DISP3: variants seen among roughly 807,000 people sequenced by gnomAD.
DISP3 encodes the protein dispatched RND transporter family member 3, also known as protein dispatched homolog 3.
In DISP3, 101 loss-of-function variants were observed where a neutral mutation model predicts 135.3. The observed-to-expected ratio is 0.75, with a 90% CI of 0.64 to 0.88. The LOEUF (loss-of-function observed/expected upper bound fraction) is 0.88, where lower values mean the gene tolerates loss of function less well. Ranked by LOEUF, DISP3 falls within the 40% of genes least tolerant of loss-of-function variation. The pLI, the probability that DISP3 is intolerant of heterozygous loss-of-function variation, is 0.00. For missense variants in DISP3, 1,713 were observed against 1,878.6 expected (o/e 0.91, Z 1.63); for synonymous variants, 856 against 817.0 (o/e 1.05, Z -0.81).
At chr1:11,506,456 T>G (rs1641708755) in intron 3 of DISP3, among the ~76,000 whole-genome samples, 1 of 152,114 alleles carries the variant, frequency 6.6e-6, no homozygotes, top group Non-Finnish European at 1.5e-5. Flanking sequence ...TTTTCTATGC[T>G]TTGGTTTAGA....
rs983049243 is a variant in DISP3, at chr1:11,520,233, G to GGATGAGAAC, written c.2200+355_2200+363dup. Reference sequence around the variant, plus strand: ...CACTCAGTTCCTATTCTGTAATTGAGGATGAGAACGGTGGCTAGGAAGGCA... The same window carrying GGATGAGAAC: ...CACTCAGTTCCTATTCTGTAATTGAGGATGAGAACGATGAGAACGGTGGCTAGGAAGGCA... On this transcript the variant is annotated intron_variant, in intron 9 of 20. Transcript: ENST00000294484. The surrounding 1 kb of genome is among the most constrained non-coding windows in gnomAD (Gnocchi z 4.8). Among the ~76,000 whole-genome samples, 10 of 152,318 alleles carry GGATGAGAAC rather than the reference G, an allele frequency of 6.6e-5. No homozygotes were observed. In the East Asian group the frequency reaches 1.7e-3, roughly 26 times the overall value.
At chr1:11,526,944 CT>C (rs754627932) in intron 13 of DISP3, 109 bp downstream of exon 13, 91,509 of 963,848 alleles carry the variant, frequency 0.095, 38 homozygotes, top group East Asian at 0.13. Context: ...GGCCCCCTCA[CT>C]TTTTTTTTTT....
At chr1:11,486,629 G>A (rs892713007) in intron 1 of DISP3, among the ~76,000 whole-genome samples, 1 of 152,168 alleles carries the variant, frequency 6.6e-6, no homozygotes, top group Admixed American at 6.5e-5. Flanking sequence ...GGGTGAAAAG[G>A]TTCATGGAGC....
In DISP3 at chr1:11,536,278, G is replaced by C; in HGVS notation, c.3817-46G>C. 6.4e-7 allele frequency: 1 copy of C among 1,565,312 alleles called. No homozygotes were observed. The highest frequency in any genetic ancestry group is 1.2e-5 in the South Asian group (1 of 84,754). ...GTGATTCCCCAGGTGCTGGCCAGAGGGGTCCCGCAGGCAGGCTGGGCTCCC... is the reference window on the plus strand; with the variant it reads ...GTGATTCCCCAGGTGCTGGCCAGAGCGGTCCCGCAGGCAGGCTGGGCTCCC... On this transcript the variant is annotated intron_variant, in intron 20 of 20. Transcript: ENST00000294484. This position sits in a 1 kb window ranked among gnomAD's most constrained non-coding sequence, Gnocchi z 4.3.
intron 17 of DISP3, among the ~76,000 whole-genome samples, chr1:11,534,028 C>A (rs1411177707): frequency 6.6e-6 from 1 of 152,180 alleles, no homozygotes; most frequent in African/African-American, 2.4e-5. Context: ...TCAAGGAAGG[C>A]TTCCTGGAGG....
At chr1:11,530,785 C>T (rs1642555475) in intron 15 of DISP3, 122 bp from the exon 16 acceptor site, 3 of 1,353,050 alleles carry the variant, frequency 2.2e-6, no homozygotes, top group Non-Finnish European at 2.1e-6. Flanking sequence ...AGGCTGCCAA[C>T]ATGAGGGTGA....
intron 13 of DISP3, among the ~76,000 whole-genome samples, chr1:11,527,810 ACTT>A (rs1642467688): frequency 6.6e-6 from 1 of 152,054 alleles, no homozygotes; most frequent in Non-Finnish European, 1.5e-5. Context: ...GTGTGAGACA[ACTT>A]CTCAAGATTC....
chr1:11,493,258 A>G (rs572195232), intron 1 of DISP3, among the ~76,000 whole-genome samples: 27 of 152,344 alleles, frequency 1.8e-4, no homozygotes, highest in Admixed American at 1.8e-3. Context: ...ACCCAAGAAG[A>G]GCTGATATTT....
intron 4 of DISP3, among the ~76,000 whole-genome samples, 176 bp from the exon 5 acceptor site, chr1:11,515,193 C>T (rs1389965744): frequency 2.0e-5 from 3 of 152,230 alleles, no homozygotes; most frequent in African/African-American, 7.2e-5. Context: ...CTGCCCGGTG[C>T]CCTTTTTGGG....
intron 1 of DISP3, among the ~76,000 whole-genome samples, chr1:11,498,392 C>T (rs998346919): frequency 6.6e-6 from 1 of 152,146 alleles, no homozygotes; most frequent in African/African-American, 2.4e-5. Flanking sequence ...GGTTGGTTGT[C>T]AGCAGGAAGT....
At chr1:11,480,486 C>G (rs1243220929) in intron 1 of DISP3, among the ~76,000 whole-genome samples, 1 of 152,164 alleles carries the variant, frequency 6.6e-6, no homozygotes, top group Non-Finnish European at 1.5e-5. Context: ...ACAGATCTCA[C>G]AAGCACACAC....
intron 10 of DISP3, among the ~76,000 whole-genome samples, chr1:11,522,359 C>G (rs559400083): frequency 7.9e-5 from 12 of 152,234 alleles, no homozygotes; most frequent in Non-Finnish European, 1.5e-4. Context: ...ACTGCAGCTC[C>G]GAGAGGCACC....
At position 11,536,470 on chromosome 1, in the gene DISP3, T is replaced by C; in HGVS notation, c.3963T>C (p.Ile1321=). 1.2e-6 allele frequency: 2 copies of C among 1,613,638 alleles called. No individual in the cohort carries two copies. The highest frequency in any genetic ancestry group is 1.7e-6 in the Non-Finnish European group (2 of 1,179,928). Residue 1321 remains isoleucine, a synonymous_variant, in exon 21 of 21, where the codon ATT becomes ATC. Coordinates refer to ENST00000294484, the MANE Select transcript of DISP3 (RefSeq NM_020780.2). The surrounding 1 kb of genome is among the most constrained non-coding windows in gnomAD (Gnocchi z 4.3). The stretch of plus-strand genomic sequence containing the variant: ...CCCCATTTGCCAAGTTCGGCAAGAT[T>C]GTGGCACTCAACACGGGCGTGTCCA... The part of the protein sequence containing the change: ...IIAPFAKFGK[I]VALNTGVSIL...
In DISP3 at chr1:11,514,444, G is replaced by T. The variant is rs1641943802; in HGVS notation, c.1371G>T (p.Arg457Ser). 6.2e-7 allele frequency: 1 copy of T among 1,613,716 alleles called. No individual in the cohort carries two copies. Among genetic ancestry groups the T allele is most frequent in the Admixed American group, 1.7e-5 (1 of 60,012 alleles). Residue 457 changes from arginine to serine, a missense_variant, in exon 4 of 21, where the codon AGG becomes AGT. Physicochemically the swap from Arg to Ser is moderately radical, Grantham distance 110 (BLOSUM62 -1). Transcript: ENST00000294484. ...ACCTGTTTGACTATGAAGTGCGCAGGACGTTCAACAATGACATGCTCCTGG... is the reference window on the plus strand; with the variant it reads ...ACCTGTTTGACTATGAAGTGCGCAGTACGTTCAACAATGACATGCTCCTGG... Reference protein sequence around the residue: ...GTDLFDYEVRRTFNNDMLLAF... With the variant: ...GTDLFDYEVRSTFNNDMLLAF...
At position 11,491,156 on chromosome 1, in the gene DISP3, CAT is replaced by C. The variant is rs1641171856; in HGVS notation, c.-3-9833_-3-9832del. Among the ~76,000 whole-genome samples, 1 of 152,188 alleles carries C rather than the reference CAT, an allele frequency of 6.6e-6. No individual in the cohort carries two copies. Among genetic ancestry groups the C allele is most frequent in the Non-Finnish European group, 1.5e-5 (1 of 68,034 alleles). ...TCCATACCCCGGACCTCCAGGGACA[CAT>C]GTGAGCCACGGTGGAGGGATGTGGG... On this transcript the variant is annotated intron_variant, in intron 1 of 20. Transcript: ENST00000294484. This position sits in a 1 kb window ranked among gnomAD's most constrained non-coding sequence, Gnocchi z 4.3.
At chr1:11,500,080 C>T (rs1641458531) in intron 1 of DISP3, among the ~76,000 whole-genome samples, 1 of 152,240 alleles carries the variant, frequency 6.6e-6, no homozygotes. Context: ...CCTGCCAGGC[C>T]CTCCTGCTGC....
chr1:11,517,748 T>A, intron 7 of DISP3, 146 bp downstream of exon 7: 1 of 1,116,548 alleles, frequency 9.0e-7, no homozygotes, highest in South Asian at 1.6e-5. Flanking sequence ...GATGCTTCCA[T>A]CCAATAACTG....
rs534679609 is a variant in DISP3 at position 11,526,534 on chromosome 1, C to T, written c.2614-117C>T. On this transcript the variant is annotated intron_variant, in intron 12 of 20. Transcript: ENST00000294484. ...CTGCCCAGGGCTCTGTCCCCAACTC[C>T]GAGGACTGGGACAGGGTGAACTATG... 5.1e-4 allele frequency: 633 copies of T among 1,235,788 alleles called. 10 individuals carry two copies. In the South Asian group the frequency reaches 8.3e-3, roughly 16 times the overall value. 76.6% of individuals were successfully genotyped at this position (1,235,788 alleles called of 1,614,324 possible).
intron 13 of DISP3, among the ~76,000 whole-genome samples, chr1:11,527,747 G>T (rs895642495): frequency 6.6e-6 from 1 of 152,018 alleles, no homozygotes; most frequent in African/African-American, 2.4e-5. Flanking sequence ...TCCATCTCAG[G>T]CCCTTTGCAT....
Sources: gnomAD v4.1 joint callset for allele counts (sites outside exome capture counted in the v4.1 genomes callset) on GRCh38, gnomAD v4.1.1 for gene constraint, Gnocchi (gnomAD v3.1) non-coding constraint, MANE v1.5 for transcripts, NCBI Gene and HGNC (gene_info 2026-07-23, HGNC 2026-07-21) for gene names.